Variants in PHACTR1 observed in about 807,000 individuals in gnomAD.
PHACTR1 encodes RPEL repeat containing 1.
A neutral mutation model predicts 69.2 loss-of-function variants in PHACTR1; 16 were observed. That is an observed-to-expected ratio of 0.23 (90% CI 0.16 to 0.35). The LOEUF (loss-of-function observed/expected upper bound fraction) is 0.35. Ranked by LOEUF, PHACTR1 falls within the 10% of genes least tolerant of loss-of-function variation. The pLI is 1.00. For missense variants in PHACTR1, 510 were observed against 734.7 expected, an observed-to-expected ratio of 0.69 and a Z score of 3.54; for synonymous variants, 312 against 284.5, an observed-to-expected ratio of 1.10 and a Z score of -0.97.
chr6:13,217,984 A>G (rs1383358643), intron 8 of PHACTR1, among the ~76,000 whole-genome samples: 3 of 152,218 alleles, frequency 2.0e-5, no homozygotes, highest in African/African-American at 7.2e-5. Context: ...CTAAATTACA[A>G]AAGCTGTTCC....
rs1787188978 is a variant in PHACTR1, at chr6:12,917,875, G to T, written c.251-135490G>T. ...TTGTACTCAGGAACTCAGAACTCGG[G>T]AATTTAGGGTGACTGGAAATTCAGG... On this transcript the variant is annotated intron_variant, in intron 4 of 14. Coordinates refer to ENST00000332995, the MANE Select transcript of PHACTR1 (RefSeq NM_030948.6). Among the ~76,000 whole-genome samples the T allele has an allele frequency of 2.6e-5, 4 of 152,116 alleles. No individual in the cohort carries two copies. In the South Asian group the frequency reaches 8.3e-4, roughly 32 times the overall value.
chr6:13,206,750 A>G (rs1380218736), intron 8 of PHACTR1, among the ~76,000 whole-genome samples: 1 of 152,146 alleles, frequency 6.6e-6, no homozygotes, highest in Non-Finnish European at 1.5e-5. Flanking sequence ...CTCACAGGGC[A>G]CACTTACACC....
At chr6:12,881,250 G>A (rs1582259586) in intron 4 of PHACTR1, among the ~76,000 whole-genome samples, 1 of 152,114 alleles carries the variant, frequency 6.6e-6, no homozygotes, top group South Asian at 2.1e-4. Flanking sequence ...AAGGAAGAGG[G>A]CGATGCTGTA....
intron 4 of PHACTR1, among the ~76,000 whole-genome samples, chr6:12,959,176 C>CAAAAAAAAAAAAA (rs70989814): frequency 2.2e-5 from 1 of 46,244 alleles, no homozygotes; most frequent in Non-Finnish European, 3.9e-5. Context: ...GACTTTATCT[C>CAAAAAAAAAAAAA]AAAAAAAAAA....
In PHACTR1 at chr6:12,783,297, T is replaced by G. The variant is rs567445535; in HGVS notation, c.250+33507T>G. ...TGTGTTTGCTGTGCATCCTAGCAGA[T>G]GTATAGGAATACACTGACCAGAATC... On this transcript the variant is annotated intron_variant, in intron 4 of 14. Coordinates refer to ENST00000332995, the MANE Select transcript of PHACTR1 (RefSeq NM_030948.6). Among the ~76,000 whole-genome samples the G allele has an allele frequency of 2.0e-5, 3 of 152,250 alleles. No homozygotes were observed. In the South Asian group the frequency reaches 6.2e-4, roughly 31 times the overall value.
At chr6:13,112,791 T>C (rs1817241384) in intron 5 of PHACTR1, among the ~76,000 whole-genome samples, 1 of 152,140 alleles carries the variant, frequency 6.6e-6, no homozygotes, top group African/African-American at 2.4e-5. Flanking sequence ...GTCAGATGCA[T>C]AGTTGCAAAA....
intron 4 of PHACTR1, among the ~76,000 whole-genome samples, chr6:12,797,922 C>T (rs1773242853): frequency 6.6e-6 from 1 of 152,018 alleles, no homozygotes; most frequent in Non-Finnish European, 1.5e-5. Flanking sequence ...AAAGTAGCCT[C>T]CCTCTCTTCT....
At chr6:13,008,912 C>T (rs1799136021) in intron 4 of PHACTR1, among the ~76,000 whole-genome samples, 1 of 152,172 alleles carries the variant, frequency 6.6e-6, no homozygotes, top group Non-Finnish European at 1.5e-5. Context: ...CGGCTTAAAA[C>T]AACAGATATT....
intron 7 of PHACTR1, among the ~76,000 whole-genome samples, chr6:13,202,238 A>G (rs145844285): frequency 6.6e-6 from 1 of 152,312 alleles, no homozygotes; most frequent in East Asian, 1.9e-4. Flanking sequence ...AAGTCACAAG[A>G]AGTGGTGGAA....
At chr6:13,231,595 G>T (rs1216971411) in intron 10 of PHACTR1, among the ~76,000 whole-genome samples, 1 of 152,194 alleles carries the variant, frequency 6.6e-6, no homozygotes, top group African/African-American at 2.4e-5. Flanking sequence ...TCTGATATAC[G>T]GTTAAGTGGT....
intron 3 of PHACTR1, among the ~76,000 whole-genome samples, chr6:12,746,059 T>C (rs1765750577): frequency 6.6e-6 from 1 of 152,102 alleles, no homozygotes; most frequent in Non-Finnish European, 1.5e-5. Flanking sequence ...GTCCTTTGTA[T>C]AGGGTAACAG....
intron 4 of PHACTR1, among the ~76,000 whole-genome samples, chr6:12,835,601 C>T (rs1778076957): frequency 6.6e-6 from 1 of 151,966 alleles, no homozygotes; most frequent in Admixed American, 6.6e-5. Context: ...TTTTTGGATA[C>T]CCATTTTAAG....
Position 13,245,858 on chromosome 6 carries a change from C to T in PHACTR1, c.1391+15665C>T, listed in dbSNP as rs1773519633. Among the ~76,000 whole-genome samples the T allele has an allele frequency of 6.6e-6, 1 of 152,102 alleles. No individual in the cohort carries two copies. The highest frequency in any genetic ancestry group is 2.4e-5 in the African/African-American group (1 of 41,412). On this transcript the variant is annotated intron_variant, in intron 10 of 14. Coordinates refer to ENST00000332995, the MANE Select transcript of PHACTR1 (RefSeq NM_030948.6). The surrounding 1 kb of genome is among the most constrained non-coding windows in gnomAD (Gnocchi z 4.1). ...TAAGGAGCAGGTCCAGTTTCAATCC[C>T]CTGCATATAGCTAGCCAGTTATCCC...
At chr6:12,736,038 G>C (rs1390061801) in intron 3 of PHACTR1, among the ~76,000 whole-genome samples, 4 of 152,156 alleles carry the variant, frequency 2.6e-5, no homozygotes, top group Non-Finnish European at 5.9e-5. Flanking sequence ...TTTAAGCAGC[G>C]AGAACTGAGA....
rs148938956 is a variant in PHACTR1 at position 12,883,914 on chromosome 6, G to GCA, written c.250+134137_250+134138dup. Among the ~76,000 whole-genome samples, 162 of 151,318 alleles carry GCA rather than the reference G, an allele frequency of 1.1e-3. 1 individual carries two copies. Among genetic ancestry groups the GCA allele is most frequent in the Middle Eastern group, 6.8e-3 (2 of 292 alleles). On this transcript the variant is annotated intron_variant, in intron 4 of 14. Coordinates refer to ENST00000332995, the MANE Select transcript of PHACTR1 (RefSeq NM_030948.6). ...TATTTCTTCATCTGCCCACTCACATGCACACACACACACATGCCCATACAT... is the reference window on the plus strand; with the variant it reads ...TATTTCTTCATCTGCCCACTCACATGCACACACACACACACATGCCCATACAT...
intron 4 of PHACTR1, among the ~76,000 whole-genome samples, chr6:12,809,982 G>T (rs1774837459): frequency 6.6e-6 from 1 of 152,146 alleles, no homozygotes; most frequent in Non-Finnish European, 1.5e-5. Flanking sequence ...TCTAATACTA[G>T]GAGATGAAAC....
intron 4 of PHACTR1, among the ~76,000 whole-genome samples, chr6:12,766,491 G>A (rs895318832): frequency 6.6e-6 from 1 of 152,114 alleles, no homozygotes; most frequent in Non-Finnish European, 1.5e-5. Flanking sequence ...GGTATGTTGG[G>A]CTGACTCTCT....
chr6:12,935,784 T>C (rs1389155733), intron 4 of PHACTR1, among the ~76,000 whole-genome samples: 1 of 152,130 alleles, frequency 6.6e-6, no homozygotes, highest in Non-Finnish European at 1.5e-5. Context: ...TCTAACCACA[T>C]GGTTTTTGCA....
chr6:12,963,432 A>G (rs867492984), intron 4 of PHACTR1, among the ~76,000 whole-genome samples: 2 of 151,534 alleles, frequency 1.3e-5, no homozygotes, highest in Non-Finnish European at 2.9e-5. Flanking sequence ...CATTCAGGCA[A>G]GACATGTACT....
Sources: gnomAD v4.1 joint callset for allele counts (sites outside exome capture counted in the v4.1 genomes callset) on GRCh38, gnomAD v4.1.1 for gene constraint, Gnocchi (gnomAD v3.1) non-coding constraint, MANE v1.5 for transcripts, NCBI Gene and HGNC (gene_info 2026-07-23, HGNC 2026-07-21) for gene names.